UBR1: variants seen among roughly 807,000 people sequenced by gnomAD.
The protein encoded by UBR1 is E3 ubiquitin-protein ligase UBR1.
UBR1 carries 102 observed loss-of-function variants against 242.1 expected under a neutral mutation model. The ratio of observed to expected loss-of-function variants is 0.42; its 90% CI spans 0.36 to 0.50. The LOEUF is 0.50. Among genes scored for constraint, UBR1 ranks in the 20% least tolerant of loss-of-function variants. The probability of loss-of-function intolerance (pLI) is 0.01; values close to 1 mark genes in which losing one functional copy is unlikely to be tolerated. For missense variants in UBR1, 1,772 were observed against 2,101.8 expected (o/e 0.84, Z 3.07); for synonymous variants, 675 against 684.8 (o/e 0.99, Z 0.22).
chr15:42,947,197 C>G (rs2031752680), intron 46 of UBR1, among the ~76,000 whole-genome samples: 1 of 152,084 alleles, frequency 6.6e-6, no homozygotes, highest in African/African-American at 2.4e-5. Context: ...CTAAAACAAA[C>G]TTCATCACTG....
At chr15:43,062,231 G>A (rs551017949) in intron 6 of UBR1, among the ~76,000 whole-genome samples, 1 of 152,178 alleles carries the variant, frequency 6.6e-6, no homozygotes, top group African/African-American at 2.4e-5. Context: ...GAAGGTGGAA[G>A]CAACCCAAGC....
At chr15:43,076,239 C>A (rs2033890718) in intron 3 of UBR1, among the ~76,000 whole-genome samples, 1 of 152,114 alleles carries the variant, frequency 6.6e-6, no homozygotes, top group East Asian at 1.9e-4. Context: ...GCCTCGGCCT[C>A]CCGAGGCGCC....
intron 43 of UBR1, 138 bp downstream of exon 43, chr15:42,960,507 C>T: frequency 1.1e-6 from 1 of 874,612 alleles, no homozygotes. Flanking sequence ...TGATTTCTGG[C>T]AAAGACCTAA....
intron 38 of UBR1, among the ~76,000 whole-genome samples, chr15:42,977,412 C>G (rs1235915687): frequency 6.6e-6 from 1 of 152,146 alleles, no homozygotes; most frequent in East Asian, 1.9e-4. Context: ...ATGAGATCAT[C>G]ACAGGAATGG....
intron 1 of UBR1, 106 bp from the exon 2 acceptor site, chr15:43,086,346 A>G: frequency 2.2e-6 from 3 of 1,375,234 alleles, no homozygotes; most frequent in South Asian, 2.7e-5. Context: ...AATTTACAGT[A>G]TATTTCATCT....
intron 27 of UBR1, among the ~76,000 whole-genome samples, chr15:43,018,389 A>G (rs990496114): frequency 6.6e-6 from 1 of 151,870 alleles, no homozygotes; most frequent in African/African-American, 2.4e-5. Flanking sequence ...TGCATTCATT[A>G]ATTCATTAAT....
At chr15:43,005,031 C>T (rs924867133) in intron 30 of UBR1, among the ~76,000 whole-genome samples, 1 of 151,828 alleles carries the variant, frequency 6.6e-6, no homozygotes, top group Non-Finnish European at 1.5e-5. Flanking sequence ...CCAGCCGCGA[C>T]CCCGTCTGGG....
chr15:42,996,701 AT>A (rs1356058741), intron 33 of UBR1, among the ~76,000 whole-genome samples: 1 of 152,230 alleles, frequency 6.6e-6, no homozygotes, highest in Non-Finnish European at 1.5e-5. Context: ...TAGCTTTTGT[AT>A]ACATCCTTCA....
chr15:43,048,246 G>A, intron 13 of UBR1, 146 bp downstream of exon 13: 1 of 654,794 alleles, frequency 1.5e-6, no homozygotes, highest in Non-Finnish European at 2.6e-6. Context: ...TATCAAAACA[G>A]GATGAGTGAG....
intron 26 of UBR1, among the ~76,000 whole-genome samples, chr15:43,022,153 G>A (rs1341259686): frequency 6.6e-6 from 1 of 151,992 alleles, no homozygotes; most frequent in Non-Finnish European, 1.5e-5. Flanking sequence ...AATAGAAAAT[G>A]TTTGTCTCCT....
chr15:43,083,838 T>C (rs1339240980), intron 2 of UBR1, among the ~76,000 whole-genome samples: 1 of 151,298 alleles, frequency 6.6e-6, no homozygotes, highest in Non-Finnish European at 1.5e-5. Context: ...AGGTCGGGAG[T>C]TCCAGACCAG....
Position 42,994,325 on chromosome 15 carries a change from A to C in UBR1, c.3757+3843T>G, listed in dbSNP as rs139838434. Among the ~76,000 whole-genome samples the C allele has an allele frequency of 2.6e-3, 392 of 148,174 alleles. 3 individuals carry two copies. The highest frequency in any genetic ancestry group is 9.5e-3 in the African/African-American group (381 of 40,124). ...CACTTTGGGAAGCCATGGTGGGAGA[A>C]TCACTTGAGGTCAGGAGTTCAAGAT... On this transcript the variant is annotated intron_variant, in intron 33 of 46. Transcript: ENST00000290650.
intron 1 of UBR1, among the ~76,000 whole-genome samples, chr15:43,092,617 G>A (rs1302672411): frequency 6.6e-6 from 1 of 152,022 alleles, no homozygotes; most frequent in East Asian, 1.9e-4. Context: ...GCAGTGGCAC[G>A]ATCTCGGCTC....
intron 21 of UBR1, among the ~76,000 whole-genome samples, chr15:43,028,977 C>T (rs565193556): frequency 4.0e-5 from 6 of 151,864 alleles, no homozygotes; most frequent in Admixed American, 6.6e-5. Flanking sequence ...CCCAGCTACT[C>T]GGGAGGCTGA....
chr15:42,990,051 A>T lies in UBR1; in HGVS notation c.3827T>A (p.Leu1276Gln), dbSNP rs777627331. The T allele has an allele frequency of 1.2e-5, 20 of 1,609,332 alleles. No homozygotes were observed. The South Asian group carries it at 2.2e-4, about 18-fold the overall frequency. The change falls in exon 34 of 47, where the codon CTG (leucine) becomes CAG (glutamine). Residue 1276 changes from leucine to glutamine, a missense_variant. Physicochemically the swap from Leu to Gln is moderately radical, Grantham distance 113. Around this residue, in one of 3 missense-constraint regions of UBR1, gnomAD observed 965 missense variants for 1,079.7 expected, o/e 0.89. Transcript: ENST00000290650. ...TTACGAAGACTCAACGCCAAAACTCAGGATGGAATGGAACTCCAAAGTAGA... is the reference window on the plus strand; with the variant it reads ...TTACGAAGACTCAACGCCAAAACTCTGGATGGAATGGAACTCCAAAGTAGA... The part of the protein sequence containing the change: ...GDSTLEFHSI[L>Q]SFGVESSIKY...
rs574880422 is a variant in UBR1, at chr15:43,008,295, T to C, written c.3210-1011A>G. Among the ~76,000 whole-genome samples, 181 of 152,348 alleles carry C rather than the reference T, an allele frequency of 1.2e-3. 1 individual carries two copies. Among genetic ancestry groups the C allele is most frequent in the African/African-American group, 4.3e-3 (179 of 41,586 alleles). ...CAGCTGCAACTGCCCAGCTCAGAAG[T>C]GCGTGTTCTGAGCCTCTCCGCACTC... On this transcript the variant is annotated intron_variant, in intron 29 of 46. Transcript: ENST00000290650.
At chr15:43,048,733 C>T (rs117225357) in intron 12 of UBR1, among the ~76,000 whole-genome samples, 2,291 of 152,298 alleles carry the variant, frequency 0.015, 151 homozygotes, top group Admixed American at 0.11. Flanking sequence ...ACTACATTCT[C>T]AGAGGTTAGT....
At chr15:43,092,149 T>C (rs1372358870) in intron 1 of UBR1, 2 of 364,936 alleles carry the variant, frequency 5.5e-6, no homozygotes, top group Non-Finnish European at 1.1e-5. Flanking sequence ...ATGCCTTAAA[T>C]ACCCTCTCCA....
In UBR1 at chr15:43,044,370, C is replaced by T. The variant is rs148164076; in HGVS notation, c.1669-975G>A. ...GATAAGGGTCTGAACTAGGGTGGGG[C>T]CATCAGGACAAAAAAGAATGAACCC... On this transcript the variant is annotated intron_variant, in intron 14 of 46. Transcript: ENST00000290650. Among the ~76,000 whole-genome samples, 1,457 of 151,728 alleles carry T rather than the reference C, an allele frequency of 9.6e-3. 16 individuals carry two copies. The highest frequency in any genetic ancestry group is 0.034 in the African/African-American group (1,387 of 41,374).
Sources: gnomAD v4.1 joint callset for allele counts (sites outside exome capture counted in the v4.1 genomes callset) on GRCh38, gnomAD v4.1.1 for gene constraint, gnomAD v4.1.1 regional missense constraint, MANE v1.5 for transcripts, NCBI Gene and HGNC (gene_info 2026-07-23, HGNC 2026-07-21) for gene names.